Variants in HAS3 observed in about 807,000 individuals in gnomAD.
HAS3 encodes HA synthase 3.
A neutral mutation model predicts 50.3 loss-of-function variants in HAS3; 27 were observed. The ratio of observed to expected loss-of-function variants is 0.54; its 90% CI spans 0.40 to 0.74. The LOEUF (loss-of-function observed/expected upper bound fraction) is 0.74, where lower values mean the gene tolerates loss of function less well. Among genes scored for constraint, HAS3 ranks in the 30% least tolerant of loss-of-function variants. HAS3 has a pLI of 0.00. For missense variants in HAS3, 517 were observed against 742.8 expected, an observed-to-expected ratio of 0.70 and a Z score of 3.53; for synonymous variants, 339 against 310.9, an observed-to-expected ratio of 1.09 and a Z score of -0.95.
At chr16:69,101,191 C>T (rs1006458114), upstream of HAS3, among the ~76,000 whole-genome samples, 1 of 152,224 alleles carries the variant, frequency 6.6e-6, no homozygotes, top group Non-Finnish European at 1.5e-5. Context: ...TTGGTCACTC[C>T]AAGTCCTCCA....
At chr16:69,083,792 T>C in the HAS3 span, 1 of 1,022,066 alleles carries the variant, frequency 9.8e-7, no homozygotes, top group Non-Finnish European at 1.4e-6. Flanking sequence ...GGTTTTATGG[T>C]GCAGGTCACT....
chr16:69,086,049 G>C, the HAS3 span, among the ~76,000 whole-genome samples: 11 of 151,464 alleles, frequency 7.3e-5, no homozygotes, highest in Admixed American at 1.3e-4. Flanking sequence ...TAAAATTTTA[G>C]CAGAGATGAG....
At chr16:69,098,551 C>A in the HAS3 span, among the ~76,000 whole-genome samples, 4 of 151,168 alleles carry the variant, frequency 2.6e-5, no homozygotes, top group East Asian at 7.8e-4. Flanking sequence ...CCTTAAAATA[C>A]CTTTTTATTA....
intron 2 of HAS3, among the ~76,000 whole-genome samples, chr16:69,111,554 C>T (rs1230844623): frequency 2.0e-5 from 3 of 152,206 alleles, no homozygotes; most frequent in Non-Finnish European, 2.9e-5. Flanking sequence ...TCCCCTAATA[C>T]GATTTTTCTC....
At chr16:69,084,157 G>C in the HAS3 span, 1 of 152,650 alleles carries the variant, frequency 6.6e-6, no homozygotes, top group African/African-American at 2.4e-5. Context: ...GAGGTGGGGA[G>C]GGGAAGGAAA....
At chr16:69,097,116 C>G in the HAS3 span, among the ~76,000 whole-genome samples, 1 of 151,924 alleles carries the variant, frequency 6.6e-6, no homozygotes, top group Admixed American at 6.6e-5. Flanking sequence ...TGCACCACTG[C>G]ACTCCAGCCT....
At position 69,109,977 on chromosome 16, in the gene HAS3, C is replaced by T. The variant is rs200119038; in HGVS notation, c.582C>T (p.Arg194=). 5.3e-5 allele frequency: 86 copies of T among 1,613,908 alleles called. No homozygotes were observed. The highest frequency in any genetic ancestry group is 1.8e-4 in the Admixed American group (11 of 60,016). Residue 194 remains arginine, a synonymous_variant, in exon 2 of 4, where the codon CGC becomes CGT. Coordinates refer to ENST00000569188, the MANE Select transcript of HAS3 (RefSeq NM_001199280.2). This position sits in a 1 kb window ranked among gnomAD's most constrained non-coding sequence, Gnocchi z 5.3. ...TCATGCAGAAGTGGGGAGGCAAGCG[C>T]GAGGTCATGTACACGGCCTTCAAGG... ...SCIMQKWGGK[R]EVMYTAFKAL... is the part of the protein sequence containing the mutation.
At chr16:69,096,743 G>A in the HAS3 span, among the ~76,000 whole-genome samples, 2 of 149,350 alleles carry the variant, frequency 1.3e-5, no homozygotes, top group African/African-American at 4.9e-5. Context: ...TCAGCCTCCC[G>A]AGTAACTGAG....
In HAS3 at chr16:69,114,762, G is replaced by C; in HGVS notation, c.1158G>C (p.Thr386=). The change falls in exon 4 of 4, where the codon ACG becomes ACC. Residue 386 remains threonine (T), a synonymous_variant. Transcript: ENST00000569188. This position sits in a 1 kb window ranked among gnomAD's most constrained non-coding sequence, Gnocchi z 6.4. ...GGATGACCTACGAGTCAGTGGTCAC[G>C]GGTTTCTTCCCCTTCTTCCTCATTG... ...HLWMTYESVV[T]GFFPFFLIAT... The C allele has an allele frequency of 6.2e-7, 1 of 1,614,124 alleles. No individual in the cohort carries two copies. Among genetic ancestry groups the C allele is most frequent in the South Asian group, 1.1e-5 (1 of 91,078 alleles).
At chr16:69,089,696 C>T in the HAS3 span, among the ~76,000 whole-genome samples, 1 of 152,128 alleles carries the variant, frequency 6.6e-6, no homozygotes, top group Non-Finnish European at 1.5e-5. Context: ...CACAGGCTGG[C>T]AAGGTGAGAG....
At chr16:69,087,823 C>A in the HAS3 span, among the ~76,000 whole-genome samples, 1 of 151,620 alleles carries the variant, frequency 6.6e-6, no homozygotes, top group Non-Finnish European at 1.5e-5. Flanking sequence ...CTGCCTTAGC[C>A]TCCCAAGTAG....
At chr16:69,105,003 T>TTG (rs1960752297), upstream of HAS3, among the ~76,000 whole-genome samples, 1 of 74,040 alleles carries the variant, frequency 1.4e-5, no homozygotes, top group African/African-American at 5.4e-5. Flanking sequence ...TTTTTTTTTT[T>TTG]TTTTTTTTTT....
the HAS3 span, chr16:69,084,242 G>A: frequency 6.6e-6 from 1 of 152,372 alleles, no homozygotes; most frequent in African/African-American, 2.4e-5. Flanking sequence ...GTCCTCTGGT[G>A]TCGAGATGGA....
At position 69,109,937 on chromosome 16, in the gene HAS3, G is replaced by A; in HGVS notation, c.542G>A (p.Ser181Asn). The change falls in exon 2 of 4, where the codon AGC becomes AAC. Residue 181 changes from serine (S) to asparagine (N), a missense_variant. Ser to Asn is a conservative substitution (Grantham distance 46, BLOSUM62 1). Coordinates refer to ENST00000569188, the MANE Select transcript of HAS3 (RefSeq NM_001199280.2). This position sits in a 1 kb window ranked among gnomAD's most constrained non-coding sequence, Gnocchi z 5.3. The part of the protein sequence containing the change: ...MDRVRDVVRA[S>N]TFSCIMQKWG... ...CGTGTGCGGGATGTGGTGCGGGCCA[G>A]CACCTTCTCGTGCATCATGCAGAAG... is the stretch of plus-strand genomic sequence containing the variant. 1 of 1,614,104 alleles carries A rather than the reference G, an allele frequency of 6.2e-7. No homozygotes were observed. Among genetic ancestry groups the A allele is most frequent in the Non-Finnish European group, 8.5e-7 (1 of 1,180,014 alleles).
intron 2 of HAS3, among the ~76,000 whole-genome samples, chr16:69,112,978 C>T (rs1961059777): frequency 6.6e-6 from 1 of 152,214 alleles, no homozygotes; most frequent in African/African-American, 2.4e-5. Context: ...AGTCTGGTAA[C>T]CACCAGTGGG....
At chr16:69,118,582 A>T, downstream of HAS3, 1 of 741,556 alleles carries the variant, frequency 1.3e-6, no homozygotes, top group South Asian at 1.5e-5. Flanking sequence ...ATGGGCAGAA[A>T]GCTGTGGGAC....
At chr16:69,090,951 CAA>C in the HAS3 span, among the ~76,000 whole-genome samples, 3 of 152,132 alleles carry the variant, frequency 2.0e-5, no homozygotes, top group Non-Finnish European at 4.4e-5. Flanking sequence ...CTGAGGCACA[CAA>C]GAGGCAAATT....
chr16:69,092,914 G>A, the HAS3 span, among the ~76,000 whole-genome samples: 1 of 152,208 alleles, frequency 6.6e-6, no homozygotes, highest in African/African-American at 2.4e-5. Context: ...GAAGCTGGGA[G>A]GAGGTGTGTG....
chr16:69,095,924 G>T, the HAS3 span, among the ~76,000 whole-genome samples: 40 of 152,310 alleles, frequency 2.6e-4, no homozygotes, highest in African/African-American at 9.6e-4. Flanking sequence ...ATTAAGAATT[G>T]TGGGGCCATG....
Sources: gnomAD v4.1 joint callset for allele counts (sites outside exome capture counted in the v4.1 genomes callset) on GRCh38, gnomAD v4.1.1 for gene constraint, Gnocchi (gnomAD v3.1) non-coding constraint, MANE v1.5 for transcripts, NCBI Gene and HGNC (gene_info 2026-07-23, HGNC 2026-07-21) for gene names.